The following MACROD2 variants were observed in gnomAD, a reference collection of about 807,000 sequenced individuals.
MACROD2 encodes the protein mono-ADP ribosylhydrolase 2.
Under a neutral mutation model 70.4 loss-of-function variants are expected in MACROD2, and 36 were observed. That is an observed-to-expected ratio of 0.51 (90% CI 0.39 to 0.68). The LOEUF (loss-of-function observed/expected upper bound fraction) is 0.68. Among genes scored for constraint, MACROD2 ranks in the 30% least tolerant of loss-of-function variants. The pLI, the probability that MACROD2 is intolerant of heterozygous loss-of-function variation, is 0.00. For synonymous variants in MACROD2, 172 were observed against 178.8 expected, an observed-to-expected ratio of 0.96 and a Z score of 0.30; for missense variants, 496 against 538.4, an observed-to-expected ratio of 0.92 and a Z score of 0.78.
At chr20:14,085,797 G>C in intron 3 of MACROD2, 69 bp downstream of exon 3, 3 of 872,764 alleles carry the variant, frequency 3.4e-6, no homozygotes, top group Non-Finnish European at 1.7e-6. Context: ...AAATAAATAA[G>C]AATGTAAGTA....
chr20:15,981,044 T>C (rs6105508), intron 13 of MACROD2, among the ~76,000 whole-genome samples: 14,613 of 152,262 alleles, frequency 0.096, 812 homozygotes, highest in Non-Finnish European at 0.11. Flanking sequence ...TGCTTCGTTT[T>C]CCGCAGGAAG....
chr20:15,764,923 C>T (rs1260237590), intron 8 of MACROD2, among the ~76,000 whole-genome samples: 4 of 152,214 alleles, frequency 2.6e-5, no homozygotes, highest in Non-Finnish European at 4.4e-5. Context: ...GCTCACTCTA[C>T]CCATGCTGGC....
chr20:14,449,863 A>G (rs1169659890), intron 3 of MACROD2, among the ~76,000 whole-genome samples: 1 of 152,116 alleles, frequency 6.6e-6, no homozygotes, highest in African/African-American at 2.4e-5. Flanking sequence ...CAACACTGTG[A>G]CATCTGTGCT....
chr20:15,276,660 T>C (rs1204324464), intron 6 of MACROD2, among the ~76,000 whole-genome samples: 1 of 152,136 alleles, frequency 6.6e-6, no homozygotes. Flanking sequence ...CTCTCTATGG[T>C]GTATTTTCAG....
chr20:14,613,050 TAA>T (rs1172440489), intron 4 of MACROD2, among the ~76,000 whole-genome samples: 1 of 152,108 alleles, frequency 6.6e-6, no homozygotes, highest in Non-Finnish European at 1.5e-5. Flanking sequence ...GTGATTTTTA[TAA>T]GTCGCATTAG....
chr20:14,851,708 T>C (rs1189776570), intron 5 of MACROD2, among the ~76,000 whole-genome samples: 2 of 152,098 alleles, frequency 1.3e-5, no homozygotes, highest in Admixed American at 1.3e-4. Flanking sequence ...GCAAGTACTA[T>C]CATGTAAGTA....
chr20:15,105,388 T>C (rs899245796), intron 5 of MACROD2, among the ~76,000 whole-genome samples: 6 of 152,130 alleles, frequency 3.9e-5, no homozygotes, highest in African/African-American at 1.2e-4. Context: ...AAATAACCTC[T>C]GTGAAAAGGG....
chr20:15,220,401 A>G (rs1262738669), intron 5 of MACROD2, among the ~76,000 whole-genome samples: 2 of 152,252 alleles, frequency 1.3e-5, no homozygotes. Flanking sequence ...TATTCCCTGC[A>G]GTGGAAGCAT....
chr20:14,444,452 A>T (rs1319564373), intron 3 of MACROD2, among the ~76,000 whole-genome samples: 1 of 151,826 alleles, frequency 6.6e-6, no homozygotes, highest in African/African-American at 2.4e-5. Context: ...GTTCCTTATC[A>T]GTTTTTTTCT....
At chr20:14,400,343 G>A (rs928618214) in intron 3 of MACROD2, among the ~76,000 whole-genome samples, 8 of 152,108 alleles carry the variant, frequency 5.3e-5, no homozygotes, top group Non-Finnish European at 8.8e-5. Context: ...CTGATGACCC[G>A]TAAATTATGA....
At chr20:14,840,842 C>G (rs1163812345) in intron 5 of MACROD2, among the ~76,000 whole-genome samples, 1 of 151,992 alleles carries the variant, frequency 6.6e-6, no homozygotes, top group Non-Finnish European at 1.5e-5. Flanking sequence ...TGATAGGTTT[C>G]AGGATGAAAA....
intron 3 of MACROD2, among the ~76,000 whole-genome samples, chr20:14,122,375 A>C (rs1056168381): frequency 6.6e-6 from 1 of 152,176 alleles, no homozygotes; most frequent in African/African-American, 2.4e-5. Context: ...AATGCTCATA[A>C]ATAGTAGCTG....
chr20:14,468,525 G>A (rs1480696823), intron 3 of MACROD2, among the ~76,000 whole-genome samples: 1 of 145,830 alleles, frequency 6.9e-6, no homozygotes, highest in Non-Finnish European at 1.5e-5. Flanking sequence ...TTGGGGGGGG[G>A]CGTTGGGGGC....
At chr20:15,160,800 TAATCTGATCTGCAACAATTTCAGGA>T (rs1177873786) in intron 5 of MACROD2, among the ~76,000 whole-genome samples, 2 of 152,152 alleles carry the variant, frequency 1.3e-5, no homozygotes, top group African/African-American at 2.4e-5. Flanking sequence ...TATTAGTTCC[TAATCTGATCTGCAACAATTTCAGGA>T]AACAATTACT....
intron 15 of MACROD2, among the ~76,000 whole-genome samples, chr20:16,018,513 G>T (rs1270484213): frequency 6.6e-6 from 1 of 151,940 alleles, no homozygotes; most frequent in Non-Finnish European, 1.5e-5. Flanking sequence ...CTACTTTGCT[G>T]AGAAAATCAA....
At position 14,805,391 on chromosome 20, in the gene MACROD2, T is replaced by C. The variant is rs937573079; in HGVS notation, c.418+120432T>C. ...CTTTTTACTTATTTTCTTTTTTACCTCTATTTTTCCCCAGTTTTGTATTTA... is the reference window on the plus strand; with the variant it reads ...CTTTTTACTTATTTTCTTTTTTACCCCTATTTTTCCCCAGTTTTGTATTTA... On this transcript the variant is annotated intron_variant, in intron 5 of 17. Coordinates refer to ENST00000684519, the MANE Select transcript of MACROD2 (RefSeq NM_001351661.2). 3.3e-5 allele frequency among the ~76,000 whole-genome samples: 5 copies of C among 152,186 alleles called. No individual in the cohort carries two copies. The East Asian group carries it at 7.7e-4, about 24-fold the overall frequency.
intron 3 of MACROD2, among the ~76,000 whole-genome samples, chr20:14,231,165 T>C (rs1288287048): frequency 6.6e-6 from 1 of 151,974 alleles, no homozygotes; most frequent in Non-Finnish European, 1.5e-5. Context: ...TACTTTAAGT[T>C]TTAGGGTACA....
intron 4 of MACROD2, among the ~76,000 whole-genome samples, chr20:14,614,958 G>A (rs148174693): frequency 0.015 from 2,244 of 152,212 alleles, 59 homozygotes; most frequent in African/African-American, 0.051. Flanking sequence ...CATGCAGAGC[G>A]TTTGTTTGGA....
At chr20:14,900,232 T>G (rs1442775965) in intron 5 of MACROD2, among the ~76,000 whole-genome samples, 1 of 152,152 alleles carries the variant, frequency 6.6e-6, no homozygotes, top group Non-Finnish European at 1.5e-5. Context: ...GTGGAAGATC[T>G]TTTCACCTAT....
Sources: gnomAD v4.1 joint callset for allele counts (sites outside exome capture counted in the v4.1 genomes callset) on GRCh38, gnomAD v4.1.1 for gene constraint, MANE v1.5 for transcripts, NCBI Gene and HGNC (gene_info 2026-07-23, HGNC 2026-07-21) for gene names.